Variants in SOAT2 observed in about 807,000 individuals in gnomAD.
SOAT2 encodes the protein ACAT-2.
A neutral mutation model predicts 76.0 loss-of-function variants in SOAT2; 87 were observed. The observed-to-expected ratio is 1.14, with a 90% CI of 0.96 to 1.37. SOAT2 has a LOEUF of 1.37. Among genes scored for constraint, SOAT2 ranks in the 40% most tolerant of loss-of-function variants. SOAT2 has a pLI of 0.00. For synonymous variants in SOAT2, 285 were observed against 275.4 expected (o/e 1.03, Z -0.34); for missense variants, 686 against 682.1 (o/e 1.01, Z -0.06).
chr12:53,109,841 G>A (rs939812832), intron 5 of SOAT2, among the ~76,000 whole-genome samples: 1 of 152,164 alleles, frequency 6.6e-6, no homozygotes, highest in Non-Finnish European at 1.5e-5. Flanking sequence ...CAATTTTAAT[G>A]TTTGACCATA....
chr12:53,111,772 T>C (rs893106415), intron 5 of SOAT2, among the ~76,000 whole-genome samples: 2 of 152,246 alleles, frequency 1.3e-5, no homozygotes, highest in Non-Finnish European at 2.9e-5. Context: ...AGCTAGCTTA[T>C]GTATTAAAGA....
At chr12:53,106,483 C>G (rs11170415) in intron 5 of SOAT2, among the ~76,000 whole-genome samples, 28,382 of 152,188 alleles carry the variant, frequency 0.19, 3,375 homozygotes, top group African/African-American at 0.35. Flanking sequence ...TCATTTCCCC[C>G]ACAGAGCACC....
At position 53,105,143 on chromosome 12, in the gene SOAT2, C is replaced by T. The variant is rs1367539889; in HGVS notation, c.175C>T (p.Gln59Ter). The T allele has an allele frequency of 3.8e-6, 6 of 1,570,808 alleles. No homozygotes were observed. The highest frequency in any genetic ancestry group is 5.2e-6 in the Non-Finnish European group (6 of 1,157,820). ...ACAATTGCTGGAGCAAGCGCAGGGA[C>T]AACTGAGGGAGCTGCTGGATCGGGC... is the stretch of plus-strand genomic sequence containing the variant. ...KAQLLEQAQG[Q>*]LRELLDRAMR... is the part of the protein sequence containing the mutation. The change falls in exon 3 of 15, where the codon CAA becomes TAA. Residue 59 changes from glutamine to a stop codon, truncating the protein, a stop_gained. Coordinates refer to ENST00000301466, the MANE Select transcript of SOAT2 (RefSeq NM_003578.4). LOFTEE classifies it high-confidence loss of function.
At chr12:53,108,149 T>C (rs1340860951) in intron 5 of SOAT2, among the ~76,000 whole-genome samples, 1 of 152,212 alleles carries the variant, frequency 6.6e-6, no homozygotes, top group Non-Finnish European at 1.5e-5. Context: ...CATGGATTTG[T>C]ACCAATAAAT....
chr12:53,121,091 A>C (rs1324721747), intron 11 of SOAT2, among the ~76,000 whole-genome samples: 1 of 152,200 alleles, frequency 6.6e-6, no homozygotes, highest in Admixed American at 6.5e-5. Context: ...ATGGTACTAC[A>C]GAATCTTCTC....
intron 5 of SOAT2, 106 bp downstream of exon 5, chr12:53,106,120 G>T: frequency 1.4e-6 from 1 of 714,580 alleles, no homozygotes. Context: ...TTCCCCCTTT[G>T]GTTATTGGAC....
chr12:53,123,625 G>C, intron 13 of SOAT2, 103 bp from the exon 14 acceptor site: 1 of 1,366,482 alleles, frequency 7.3e-7, no homozygotes, highest in East Asian at 2.3e-5. Context: ...TTCTCCAATG[G>C]GGCCTTCTTG....
chr12:53,105,007 G>T lies in SOAT2; in HGVS notation c.139-100G>T, dbSNP rs558977482. 1,314 of 967,852 alleles carry T rather than the reference G, an allele frequency of 1.4e-3. 5 individuals are homozygous for T. The African/African-American group carries it at 0.017, about 12-fold the overall frequency. The allele number at this position is 967,852 out of a possible 1,614,324, so 60.0% of individuals were successfully genotyped here. A position where few individuals can be genotyped will look rare whatever the true frequency, so the allele number is the denominator to read the frequency against. On this transcript the variant is annotated intron_variant, in intron 2 of 14. Transcript: ENST00000301466. ...CAGGTTGTTTTTTTTTTTAAAAAAA[G>T]CACTGTGCCTGGCATAGACAGAAAT... is the stretch of plus-strand genomic sequence containing the variant.
intron 5 of SOAT2, among the ~76,000 whole-genome samples, 188 bp from the exon 6 acceptor site, chr12:53,115,202 A>G (rs1938081921): frequency 6.6e-6 from 1 of 152,200 alleles, no homozygotes; most frequent in Non-Finnish European, 1.5e-5. Context: ...AATCAAACTC[A>G]TGCCATGACT....
chr12:53,108,071 A>T (rs1022440765), intron 5 of SOAT2, among the ~76,000 whole-genome samples: 3 of 152,172 alleles, frequency 2.0e-5, no homozygotes, highest in Admixed American at 6.5e-5. Context: ...GGCCTTTTAA[A>T]TTGGCTTTGA....
chr12:53,119,308 G>A, intron 10 of SOAT2, 55 bp downstream of exon 10: 1 of 1,591,252 alleles, frequency 6.3e-7, no homozygotes, highest in Non-Finnish European at 8.6e-7. Flanking sequence ...GGCTAATCAG[G>A]GAAGGCCTTG....
chr12:53,116,379 T>A (rs1429498479), intron 7 of SOAT2, among the ~76,000 whole-genome samples: 1 of 152,260 alleles, frequency 6.6e-6, no homozygotes, highest in African/African-American at 2.4e-5. Context: ...TACCCAGGAC[T>A]TCTGGCACTT....
chr12:53,105,627 CG>C lies in SOAT2; in HGVS notation c.335+11del. 8 of 1,607,306 alleles carry C rather than the reference CG, an allele frequency of 5.0e-6. No individual in the cohort carries two copies. The highest frequency in any genetic ancestry group is 6.0e-6 in the Non-Finnish European group (7 of 1,175,754). On this transcript the variant is annotated splice_region_variant and intron_variant, in intron 4 of 14. Transcript: ENST00000301466. ...TCCGCAAGTCCCTGCTTGAGTAAGT[CG>C]GGGTGATGACAAGTAATGGGAGGAA...
At chr12:53,104,109 C>G (rs1937885985) in intron 1 of SOAT2, 42 bp from the exon 2 acceptor site, 2 of 1,582,460 alleles carry the variant, frequency 1.3e-6, no homozygotes, top group African/African-American at 1.3e-5. Flanking sequence ...CTGCAGAACC[C>G]CAATTCCTCC....
At chr12:53,120,182 A>T (rs1221482360) in intron 10 of SOAT2, among the ~76,000 whole-genome samples, 1 of 152,034 alleles carries the variant, frequency 6.6e-6, no homozygotes, top group Non-Finnish European at 1.5e-5. Context: ...CAAAAAACTT[A>T]AAAATAGCCA....
intron 7 of SOAT2, among the ~76,000 whole-genome samples, chr12:53,116,490 A>G (rs6580931): frequency 0.28 from 42,839 of 152,044 alleles, 7,422 homozygotes; most frequent in African/African-American, 0.5. Flanking sequence ...AAGGGCCCTA[A>G]AATTTTTGGA....
In SOAT2 at chr12:53,120,668, G is replaced by C. The variant is rs113811928; in HGVS notation, c.1040-118G>C. The C allele has an allele frequency of 1.1e-3, 672 of 625,366 alleles. 2 individuals are homozygous for C. In the African/African-American group the frequency reaches 0.011, roughly 10 times the overall value. The allele number at this position is 625,366 out of a possible 1,614,324, so 38.7% of individuals were successfully genotyped here. ...ATAAATTTGTGAATTACCAATAAATGAATGGTAAGAGTTGGGGCCCTGGTT... is the reference window on the plus strand; with the variant it reads ...ATAAATTTGTGAATTACCAATAAATCAATGGTAAGAGTTGGGGCCCTGGTT... On this transcript the variant is annotated intron_variant, in intron 10 of 14. Coordinates refer to ENST00000301466, the MANE Select transcript of SOAT2 (RefSeq NM_003578.4).
intron 2 of SOAT2, 86 bp from the exon 3 acceptor site, chr12:53,105,021 A>C: frequency 6.3e-6 from 8 of 1,278,016 alleles, no homozygotes; most frequent in East Asian, 3.6e-5. Flanking sequence ...TGTGCCTGGC[A>C]TAGACAGAAA....
chr12:53,120,805 C>T lies in SOAT2; in HGVS notation c.1059C>T (p.Leu353=), dbSNP rs1938179200. 1.2e-6 allele frequency: 2 copies of T among 1,613,886 alleles called. No individual in the cohort carries two copies. The highest frequency in any genetic ancestry group is 1.7e-6 in the Non-Finnish European group (2 of 1,179,910). ...CACCAGGCATCTTCATGCTGCTGCTCATCTTCTTTGCCTTCCTCCATTGCT... is the reference window on the plus strand; with the variant it reads ...CACCAGGCATCTTCATGCTGCTGCTTATCTTCTTTGCCTTCCTCCATTGCT... ...ATLPGIFMLL[L]IFFAFLHCWL... is the part of the protein sequence containing the mutation. Residue 353 remains leucine, a synonymous_variant, in exon 11 of 15, where the codon CTC becomes CTT. Coordinates refer to ENST00000301466, the MANE Select transcript of SOAT2 (RefSeq NM_003578.4).
Sources: allele counts gnomAD v4.1 joint callset (sites outside exome capture counted in the v4.1 genomes callset), GRCh38; gene constraint gnomAD v4.1.1; transcripts MANE v1.5; gene names NCBI Gene and HGNC (gene_info 2026-07-23, HGNC 2026-07-21).